Variants in HELB observed in about 807,000 individuals in gnomAD.
HELB encodes the protein DNA 5'-3' helicase B.
HELB carries 96 observed loss-of-function variants against 101.7 expected under a neutral mutation model. That is an observed-to-expected ratio of 0.94 (90% confidence interval 0.80 to 1.12). HELB has a LOEUF of 1.12. Ranked by LOEUF, HELB falls within the 50% of genes most tolerant of loss-of-function variation. The pLI, the probability that HELB is intolerant of heterozygous loss-of-function variation, is 0.00. For missense variants in HELB, 1,210 were observed against 1,291.9 expected (o/e 0.94, Z 0.97); for synonymous variants, 437 against 459.7 (o/e 0.95, Z 0.63).
downstream of HELB, chr12:66,342,494 C>G (rs1173978865): frequency 1.3e-5 from 2 of 152,024 alleles, no homozygotes; most frequent in South Asian, 4.1e-4. Flanking sequence ...CCTGCCTCAG[C>G]CTCCCAAGTA....
Position 66,305,001 on chromosome 12 carries a change from A to C in HELB, c.458A>C (p.Asn153Thr). The C allele has an allele frequency of 1.9e-6, 3 of 1,613,936 alleles. No individual in the cohort carries two copies. The highest frequency in any genetic ancestry group is 2.5e-6 in the Non-Finnish European group (3 of 1,179,972). ...TTAACATGGGTAAAGGAGGTATCAAACTACAAAAACCTAAACTTTGAAAAT... is the reference window on the plus strand; with the variant it reads ...TTAACATGGGTAAAGGAGGTATCAACCTACAAAAACCTAAACTTTGAAAAT... ...KFLTWVKEVS[N>T]YKNLNFENLR... The change falls in exon 2 of 13, where the codon AAC becomes ACC. Residue 153 changes from asparagine (N) to threonine (T), a missense_variant. Transcript: ENST00000247815.
chr12:66,338,672 AAAAAAAC>A (rs1592652043), downstream of HELB: 1 of 152,470 alleles, frequency 6.6e-6, no homozygotes, highest in East Asian at 1.9e-4. Flanking sequence ...AAACAAACAA[AAAAAAAC>A]AAACAATTAT....
chr12:66,309,949 A>G lies in HELB; in HGVS notation c.1021A>G (p.Ile341Val). The change falls in exon 4 of 13, where the codon ATT (isoleucine) becomes GTT (valine). Residue 341 changes from isoleucine (I) to valine (V), a missense_variant. Physicochemically the swap from Ile to Val is conservative, Grantham distance 29 (BLOSUM62 3). This residue lies in a region of HELB where 470 missense variants were observed against 563.1 expected (regional missense o/e 0.83). Coordinates refer to ENST00000247815, the MANE Select transcript of HELB (RefSeq NM_001370285.1). ...AGAGTCTCTGAAGTTTTTGAAGGAT[A>G]TTGGTGTGGTGACATATGAGAAGTC... ...ASESLKFLKDIGVVTYEKSCV... is the reference protein window; with the variant it reads ...ASESLKFLKDVGVVTYEKSCV... 6.2e-7 allele frequency: 1 copy of G among 1,614,222 alleles called. No homozygotes were observed. Among genetic ancestry groups the G allele is most frequent in the Non-Finnish European group, 8.5e-7 (1 of 1,180,040 alleles).
At position 66,302,764 on chromosome 12, in the gene HELB, C is replaced by T; in HGVS notation, c.161C>T (p.Ala54Val). ...AEELCSGGVK[A>V]GSLPGCLRVS... ...GAGCTCTGCAGTGGGGGCGTAAAGG[C>T]TGGCAGCCTCCCCGGGTGCCTCCGC... The change falls in exon 1 of 13, where the codon GCT becomes GTT. Residue 54 changes from alanine (A) to valine (V), a missense_variant. Around this residue, in one of 2 missense-constraint regions of HELB, gnomAD observed 470 missense variants for 563.1 expected, o/e 0.83. Coordinates refer to ENST00000247815, the MANE Select transcript of HELB (RefSeq NM_001370285.1). The T allele has an allele frequency of 6.2e-7, 1 of 1,612,602 alleles. No homozygotes were observed. The highest frequency in any genetic ancestry group is 8.5e-7 in the Non-Finnish European group (1 of 1,178,946).
chr12:66,332,138 A>G (rs528718699), intron 12 of HELB, among the ~76,000 whole-genome samples: 18 of 152,268 alleles, frequency 1.2e-4, no homozygotes, highest in African/African-American at 3.4e-4. Context: ...GTTCCCAGAA[A>G]TTGATTTTCT....
chr12:66,307,046 A>G (rs545297969), intron 3 of HELB, among the ~76,000 whole-genome samples: 1 of 152,334 alleles, frequency 6.6e-6, no homozygotes, highest in East Asian at 1.9e-4. Context: ...GACTATGAGT[A>G]GTAAAGGGGC....
At chr12:66,327,831 G>A (rs929471924) in intron 11 of HELB, among the ~76,000 whole-genome samples, 1 of 152,204 alleles carries the variant, frequency 6.6e-6, no homozygotes, top group African/African-American at 2.4e-5. Context: ...TCTGTGTTAT[G>A]TTAGAAGGTG....
intron 4 of HELB, among the ~76,000 whole-genome samples, chr12:66,311,983 C>T (rs945051832): frequency 6.6e-6 from 1 of 152,160 alleles, no homozygotes; most frequent in African/African-American, 2.4e-5. Flanking sequence ...GGAATATGAT[C>T]GTAGTGTGCC....
Position 66,309,716 on chromosome 12 carries a change from G to T in HELB, c.788G>T (p.Arg263Ile), listed in dbSNP as rs752401595. Residue 263 changes from arginine (R) to isoleucine (I), a missense_variant, in exon 4 of 13, where the codon AGA (arginine) becomes ATA (isoleucine). Arg to Ile is a moderately conservative substitution (Grantham distance 97). Around this residue, in one of 2 missense-constraint regions of HELB, gnomAD observed 470 missense variants for 563.1 expected, o/e 0.83. Coordinates refer to ENST00000247815, the MANE Select transcript of HELB (RefSeq NM_001370285.1). ...WKLGFSKITY[R>I]EWKLLRCEAS... ...CTTTATTTCTTAAAGATAACCTACA[G>T]AGAGTGGAAACTCCTGCGATGTGAG... The T allele has an allele frequency of 4.4e-6, 7 of 1,604,068 alleles. No homozygotes were observed. In the Admixed American group the frequency reaches 1.0e-4, roughly 23 times the overall value.
At chr12:66,331,049 A>T (rs1440450324) in intron 11 of HELB, 105 bp from the exon 12 acceptor site, 1 of 1,253,708 alleles carries the variant, frequency 8.0e-7, no homozygotes. Flanking sequence ...CTGGCCAGGT[A>T]GAAGTGCTTG....
chr12:66,313,474 TA>T (rs1191450398), intron 4 of HELB, among the ~76,000 whole-genome samples: 1 of 152,192 alleles, frequency 6.6e-6, no homozygotes, highest in African/African-American at 2.4e-5. Context: ...TCATCTATAT[TA>T]AAAAATAATA....
chr12:66,321,443 A>G (rs2053669544), intron 7 of HELB: 1 of 154,268 alleles, frequency 6.5e-6, no homozygotes, highest in Non-Finnish European at 1.4e-5. Flanking sequence ...TATGTTTTAT[A>G]CAAGTGTGTG....
chr12:66,321,607 C>A, intron 7 of HELB: 1 of 229,488 alleles, frequency 4.4e-6, no homozygotes. Context: ...TTACATTAGT[C>A]ATGCTGTTAC....
At chr12:66,315,936 T>C (rs577205119) in intron 6 of HELB, among the ~76,000 whole-genome samples, 4 of 152,322 alleles carry the variant, frequency 2.6e-5, no homozygotes, top group African/African-American at 9.6e-5. Context: ...TCCACACATA[T>C]GAAAATCACA....
chr12:66,329,272 ATTTTAAT>A (rs1263880308), intron 11 of HELB, among the ~76,000 whole-genome samples: 1 of 152,190 alleles, frequency 6.6e-6, no homozygotes, highest in East Asian at 1.9e-4. Context: ...GTAGCATGAC[ATTTTAAT>A]TTTTAATCAT....
At chr12:66,307,230 T>C (rs1047582265) in intron 3 of HELB, among the ~76,000 whole-genome samples, 31 of 152,186 alleles carry the variant, frequency 2.0e-4, no homozygotes, top group Admixed American at 4.6e-4. Flanking sequence ...AAGGAATTTT[T>C]CCCTTACATA....
intron 12 of HELB, among the ~76,000 whole-genome samples, chr12:66,333,039 ACATTTAGCAAAACATTGAAAAAAT>A (rs975435120): frequency 1.4e-4 from 22 of 152,148 alleles, no homozygotes; most frequent in African/African-American, 5.3e-4. Flanking sequence ...TTTGAAAAAA[ACATTTAGCAAAACATTGAAAAAAT>A]AAAAATAAAA....
At chr12:66,302,896 C>G in intron 1 of HELB, 106 bp downstream of exon 1, 2 of 967,048 alleles carry the variant, frequency 2.1e-6, no homozygotes, top group Middle Eastern at 6.8e-4. Flanking sequence ...ACAGATTTAG[C>G]TTATCAGTGG....
rs1592651582 is a variant in HELB at position 66,338,093 on chromosome 12, A to G, written c.3255A>G (p.Gln1085=). The G allele has an allele frequency of 2.0e-6, 3 of 1,519,644 alleles. No homozygotes were observed. Among genetic ancestry groups the G allele is most frequent in the Non-Finnish European group, 2.7e-6 (3 of 1,095,392 alleles). 94.1% of individuals were successfully genotyped at this position (1,519,644 alleles called of 1,614,324 possible). A position where few individuals can be genotyped will look rare whatever the true frequency, so the allele number is the denominator to read the frequency against. The part of the protein sequence containing the change: ...PRQLFKPTDN[Q]ET ...AACTTTTCAAGCCCACCGATAATCAAGAAACTTAGTTTTATTTCAAATTGT... is the reference window on the plus strand; with the variant it reads ...AACTTTTCAAGCCCACCGATAATCAGGAAACTTAGTTTTATTTCAAATTGT... Residue 1085 remains glutamine (Q), a synonymous_variant, in exon 13 of 13, where the codon CAA becomes CAG. Coordinates refer to ENST00000247815, the MANE Select transcript of HELB (RefSeq NM_001370285.1).
Sources: gnomAD v4.1 joint callset for allele counts (sites outside exome capture counted in the v4.1 genomes callset) on GRCh38, gnomAD v4.1.1 for gene constraint, gnomAD v4.1.1 regional missense constraint, MANE v1.5 for transcripts, NCBI Gene and HGNC (gene_info 2026-07-23, HGNC 2026-07-21) for gene names.